ZNF777: variants seen among roughly 807,000 people sequenced by gnomAD.
ZNF777 encodes the protein zinc finger protein 777.
A neutral mutation model predicts 72.1 loss-of-function variants in ZNF777; 7 were observed. The ratio of observed to expected loss-of-function variants is 0.10; its 90% CI spans 0.06 to 0.18. The LOEUF (loss-of-function observed/expected upper bound fraction) is 0.18, where lower values mean the gene tolerates loss of function less well. ZNF777 is among the 10% of genes least tolerant of loss of function. The probability of loss-of-function intolerance (pLI) is 1.00; values close to 1 mark genes in which losing one functional copy is unlikely to be tolerated. For synonymous variants in ZNF777, 545 were observed against 483.5 expected (o/e 1.13, Z -1.67); for missense variants, 828 against 1,128.6 (o/e 0.73, Z 3.82).
At chr7:149,456,944 A>G (rs1799845664) in intron 1 of ZNF777, among the ~76,000 whole-genome samples, 1 of 152,026 alleles carries the variant, frequency 6.6e-6, no homozygotes, top group Non-Finnish European at 1.5e-5. Context: ...CAATTCAACC[A>G]CTCCTAGGAG....
Position 149,436,627 on chromosome 7 carries a change from G to A in ZNF777, c.1287C>T (p.Ser429=), listed in dbSNP as rs1343742968. ...ENTLEESTEG[S]SEFSELKQML... is the part of the protein sequence containing the mutation. ...TCTGCTTCAGTTCGCTGAACTCGCT[G>A]GAGCCTTCCGTGGACTCCTCCAGCG... Residue 429 remains serine, a synonymous_variant, in exon 5 of 6, where the codon TCC becomes TCT. Transcript: ENST00000247930. The surrounding 1 kb of genome is among the most constrained non-coding windows in gnomAD (Gnocchi z 5.0). 1.4e-5 allele frequency: 23 copies of A among 1,613,374 alleles called. No homozygotes were observed. Among genetic ancestry groups the A allele is most frequent in the Non-Finnish European group, 1.8e-5 (21 of 1,179,918 alleles).
chr7:149,446,030 C>A (rs1799596722), intron 4 of ZNF777, among the ~76,000 whole-genome samples: 1 of 152,196 alleles, frequency 6.6e-6, no homozygotes, highest in Non-Finnish European at 1.5e-5. Context: ...TGCTTCAGGG[C>A]TGAAAAACTT....
intron 5 of ZNF777, among the ~76,000 whole-genome samples, chr7:149,434,180 T>A (rs1316920169): frequency 6.6e-6 from 1 of 152,158 alleles, no homozygotes; most frequent in African/African-American, 2.4e-5. Context: ...TTTCTAGAGT[T>A]TGCAGGTTGG....
At position 149,436,639 on chromosome 7, in the gene ZNF777, G is replaced by A. The variant is rs1799417266; in HGVS notation, c.1275C>T (p.Ser425=). Residue 425 remains serine, a synonymous_variant, in exon 5 of 6, where the codon TCC becomes TCT. Coordinates refer to ENST00000247930, the MANE Select transcript of ZNF777 (RefSeq NM_015694.3). The surrounding 1 kb of genome is among the most constrained non-coding windows in gnomAD (Gnocchi z 5.0). The stretch of plus-strand genomic sequence containing the variant: ...CGCTGAACTCGCTGGAGCCTTCCGT[G>A]GACTCCTCCAGCGTGTTCTCTGGCT... ...MQEPENTLEE[S]TEGSSEFSEL... is the part of the protein sequence containing the mutation. 6.2e-7 allele frequency: 1 copy of A among 1,613,724 alleles called. No homozygotes were observed. Among genetic ancestry groups the A allele is most frequent in the Non-Finnish European group, 8.5e-7 (1 of 1,180,044 alleles).
chr7:149,431,661 C>T lies in ZNF777; in HGVS notation c.*115G>A. ...GAGGGACGAGAGGAGAGGGGGAGCT[C>T]ACGGCAAAGGGGCTGGGGGGCGCCC... is the stretch of plus-strand genomic sequence containing the variant. On this transcript the variant is annotated 3_prime_UTR_variant, in exon 6 of 6. Coordinates refer to ENST00000247930, the MANE Select transcript of ZNF777 (RefSeq NM_015694.3). The T allele has an allele frequency of 2.0e-6, 2 of 1,011,432 alleles. No individual in the cohort carries two copies. Among genetic ancestry groups the T allele is most frequent in the Non-Finnish European group, 2.5e-6 (2 of 785,590 alleles). 62.7% of individuals were successfully genotyped at this position (1,011,432 alleles called of 1,614,324 possible).
intron 1 of ZNF777, among the ~76,000 whole-genome samples, chr7:149,456,299 C>T (rs913353535): frequency 4.6e-5 from 7 of 152,070 alleles, no homozygotes; most frequent in Admixed American, 1.3e-4. Context: ...ATACATTGCA[C>T]GGGTACCTTA....
chr7:149,449,141 G>A (rs1277078577), intron 4 of ZNF777, among the ~76,000 whole-genome samples: 1 of 152,198 alleles, frequency 6.6e-6, no homozygotes, highest in African/African-American at 2.4e-5. Context: ...GCCTGCAATG[G>A]CGAGGCCGGG....
intron 1 of ZNF777, chr7:149,459,888 G>C (rs1425160428): frequency 2.0e-6 from 2 of 979,152 alleles, no homozygotes; most frequent in Non-Finnish European, 2.4e-6. Context: ...CGTGTGTGCC[G>C]GGCCGGGCGT....
At position 149,432,243 on chromosome 7, in the gene ZNF777, T is replaced by G. The variant is rs1192890851; in HGVS notation, c.2029A>C (p.Ile677Leu). 1 of 1,603,032 alleles carries G rather than the reference T, an allele frequency of 6.2e-7. No homozygotes were observed. The highest frequency in any genetic ancestry group is 8.5e-7 in the Non-Finnish European group (1 of 1,178,024). The change falls in exon 6 of 6, where the codon ATC becomes CTC. Residue 677 changes from isoleucine (I) to leucine (L), a missense_variant. Around this residue, in one of 12 missense-constraint regions of ZNF777, gnomAD observed 26 missense variants for 62.1 expected, o/e 0.42. Transcript: ENST00000247930. Reference sequence around the variant, plus strand: ...ACGCGCTGATGGATCACCAAGCTGATGTGCAGGCGGAAGCTCTTCTTGCAC... The same window carrying G: ...ACGCGCTGATGGATCACCAAGCTGAGGTGCAGGCGGAAGCTCTTCTTGCAC... ...PECKKSFRLH[I>L]SLVIHQRVHA...
intron 1 of ZNF777, chr7:149,459,828 C>G (rs1799911033): frequency 1.0e-6 from 1 of 984,710 alleles, no homozygotes; most frequent in Non-Finnish European, 1.2e-6. Context: ...GGACGCAGCG[C>G]GGGCCCCGCA....
At position 149,455,351 on chromosome 7, in the gene ZNF777, C is replaced by T. The variant is rs1329008364; in HGVS notation, c.672G>A (p.Glu224=). 6.2e-7 allele frequency: 1 copy of T among 1,614,252 alleles called. No homozygotes were observed. Among genetic ancestry groups the T allele is most frequent in the Non-Finnish European group, 8.5e-7 (1 of 1,180,040 alleles). Residue 224 remains glutamate, a synonymous_variant, in exon 2 of 6, where the codon GAG becomes GAA. Coordinates refer to ENST00000247930, the MANE Select transcript of ZNF777 (RefSeq NM_015694.3). This position sits in a 1 kb window ranked among gnomAD's most constrained non-coding sequence, Gnocchi z 4.2. ...GTNEKKIADC[E]KTAVEFANHL... ...GGTTCGCGAACTCCACGGCTGTCTT[C>T]TCGCAGTCGGCTATCTTCTTTTCAT...
intron 4 of ZNF777, among the ~76,000 whole-genome samples, chr7:149,440,671 T>G (rs1033617558): frequency 2.7e-4 from 26 of 97,518 alleles, no homozygotes; most frequent in South Asian, 1.4e-3. Flanking sequence ...TGTTGTTTTT[T>G]TGTTTTTTTT....
intron 4 of ZNF777, among the ~76,000 whole-genome samples, chr7:149,439,036 T>A (rs1380434615): frequency 6.6e-6 from 1 of 152,110 alleles, no homozygotes; most frequent in Non-Finnish European, 1.5e-5. Context: ...CATACCTCCA[T>A]CCCCTACTTC....
chr7:149,455,449 C>A lies in ZNF777; in HGVS notation c.574G>T (p.Val192Phe). Residue 192 changes from valine (V) to phenylalanine (F), a missense_variant, in exon 2 of 6, where the codon GTC becomes TTC. Val to Phe is a conservative substitution (Grantham distance 50). Coordinates refer to ENST00000247930, the MANE Select transcript of ZNF777 (RefSeq NM_015694.3). The surrounding 1 kb of genome is among the most constrained non-coding windows in gnomAD (Gnocchi z 4.2). ...TCCAGCTTCCTCTCCACTGCTTGGA[C>A]GGCAGCCCACACAGCCAAGCGGGTG... ...EITRLAVWAAVQAVERKLEAQ... is the reference protein window; with the variant it reads ...EITRLAVWAAFQAVERKLEAQ... The A allele has an allele frequency of 6.2e-7, 1 of 1,614,216 alleles. No homozygotes were observed. The highest frequency in any genetic ancestry group is 8.5e-7 in the Non-Finnish European group (1 of 1,180,042).
In ZNF777 at chr7:149,448,510, T is replaced by TATATATATATATATATATATATAA. The variant is rs1351675498; in HGVS notation, c.1087+2488_1087+2489insTTATATATATATATATATATATAT. Among the ~76,000 whole-genome samples the TATATATATATATATATATATATAA allele has an allele frequency of 6.6e-4, 81 of 122,296 alleles. 3 individuals are homozygous for TATATATATATATATATATATATAA. Among genetic ancestry groups the TATATATATATATATATATATATAA allele is most frequent in the African/African-American group, 2.9e-3 (75 of 26,314 alleles). The allele number at this position is 122,296 out of a possible 152,430, so 80.2% of individuals were successfully genotyped here. A position where few individuals can be genotyped will look rare whatever the true frequency, so the allele number is the denominator to read the frequency against. ...CTATATATATATATATATATATATA[T>TATATATATATATATATATATATAA]AACTATATATAGTTATACATATAGT... On this transcript the variant is annotated intron_variant, in intron 4 of 5. Transcript: ENST00000247930.
At chr7:149,450,080 C>G (rs1442810305) in intron 4 of ZNF777, among the ~76,000 whole-genome samples, 1 of 152,216 alleles carries the variant, frequency 6.6e-6, no homozygotes, top group African/African-American at 2.4e-5. Flanking sequence ...CATCCTCTTT[C>G]AGCAGACATG....
At chr7:149,456,331 G>A (rs781739296) in intron 1 of ZNF777, among the ~76,000 whole-genome samples, 5 of 152,100 alleles carry the variant, frequency 3.3e-5, no homozygotes, top group African/African-American at 4.8e-5. Context: ...GTGGGAGAGC[G>A]GAAGGGTGCT....
In ZNF777 at chr7:149,436,829, G is replaced by A. The variant is rs758661592; in HGVS notation, c.1088-3C>T. 1.2e-6 allele frequency: 2 copies of A among 1,603,686 alleles called. No individual in the cohort carries two copies. The highest frequency in any genetic ancestry group is 1.7e-6 in the Non-Finnish European group (2 of 1,171,164). ...CTTAATCACGATCCCATCGTGCGCT[G>A]AGAGAGGGTGGGCAGGGGTGAGGAG... is the stretch of plus-strand genomic sequence containing the variant. On this transcript the variant is annotated splice_polypyrimidine_tract_variant and splice_region_variant and intron_variant, in intron 4 of 5. Transcript: ENST00000247930. The surrounding 1 kb of genome is among the most constrained non-coding windows in gnomAD (Gnocchi z 5.0).
chr7:149,437,799 C>CTTTTTTTTT (rs796721387), intron 4 of ZNF777, among the ~76,000 whole-genome samples: 20 of 115,646 alleles, frequency 1.7e-4, no homozygotes, highest in Non-Finnish European at 2.3e-4. Flanking sequence ...ATGTTTGTTT[C>CTTTTTTTTT]TTTTTCTTTT....
Sources: gnomAD v4.1 joint callset for allele counts (sites outside exome capture counted in the v4.1 genomes callset) on GRCh38, gnomAD v4.1.1 for gene constraint, gnomAD v4.1.1 regional missense constraint, Gnocchi (gnomAD v3.1) non-coding constraint, MANE v1.5 for transcripts, NCBI Gene and HGNC (gene_info 2026-07-23, HGNC 2026-07-21) for gene names.